Variants in ALPK2 observed in about 807,000 individuals in gnomAD.
ALPK2 encodes alpha-protein kinase 2.
ALPK2 carries 127 observed loss-of-function variants against 163.1 expected under a neutral mutation model. The ratio of observed to expected loss-of-function variants is 0.78; its 90% confidence interval spans 0.67 to 0.90. The LOEUF is 0.90. ALPK2 is among the 40% of genes least tolerant of loss of function. The probability of loss-of-function intolerance (pLI) is 0.00; values close to 1 mark genes in which losing one functional copy is unlikely to be tolerated. For synonymous variants in ALPK2, 953 were observed against 959.1 expected (o/e 0.99, Z 0.12); for missense variants, 2,360 against 2,589.6 (o/e 0.91, Z 1.92).
rs189307557 is a variant in ALPK2 at position 58,501,166 on chromosome 18, C to T, written c.6247+2765G>A. 3.0e-4 allele frequency among the ~76,000 whole-genome samples: 45 copies of T among 152,302 alleles called. 2 individuals carry two copies. The highest frequency in any genetic ancestry group is 2.4e-3 in the Admixed American group (37 of 15,308). The stretch of plus-strand genomic sequence containing the variant: ...ACCATTACTTAATGCCACACCACCA[C>T]GTTAAACCACACACGTCATTTACAG... On this transcript the variant is annotated intron_variant, in intron 11 of 12. Coordinates refer to ENST00000361673, the MANE Select transcript of ALPK2 (RefSeq NM_052947.4).
At chr18:58,583,016 G>C (rs989860663) in intron 3 of ALPK2, among the ~76,000 whole-genome samples, 1 of 152,220 alleles carries the variant, frequency 6.6e-6, no homozygotes, top group African/African-American at 2.4e-5. Flanking sequence ...CTGGACCTTA[G>C]AAGGTGTCAG....
chr18:58,501,608 A>G (rs1209136693), intron 11 of ALPK2, among the ~76,000 whole-genome samples: 1 of 152,222 alleles, frequency 6.6e-6, no homozygotes, highest in Non-Finnish European at 1.5e-5. Context: ...CAAATTTGCT[A>G]AATTGTTATT....
Position 58,517,001 on chromosome 18 carries a change from G to A in ALPK2, c.5847C>T (p.Gly1949=), listed in dbSNP as rs1363066922. 6.2e-7 allele frequency: 1 copy of A among 1,614,126 alleles called. No homozygotes were observed. The highest frequency in any genetic ancestry group is 1.3e-5 in the African/African-American group (1 of 74,946). Residue 1949 remains glycine (G), a synonymous_variant, in exon 9 of 13, where the codon GGC becomes GGT. Coordinates refer to ENST00000361673, the MANE Select transcript of ALPK2 (RefSeq NM_052947.4). The stretch of plus-strand genomic sequence containing the variant: ...TGTGCACCTTAAGCACACAGGCATG[G>A]CCAGGTTTGAAGACAGGCATGAGGC... ...MHGLMPVFKP[G]HACVLKVHNA...
chr18:58,496,250 C>T (rs1056477134), intron 12 of ALPK2, among the ~76,000 whole-genome samples: 5 of 152,182 alleles, frequency 3.3e-5, no homozygotes, highest in African/African-American at 7.2e-5. Context: ...AACTGGGTCT[C>T]GCTCTAAATC....
At chr18:58,523,700 G>T in intron 8 of ALPK2, 106 bp downstream of exon 8, 3 of 1,418,440 alleles carry the variant, frequency 2.1e-6, no homozygotes, top group Non-Finnish European at 3.0e-6. Flanking sequence ...CTCCTTCTCG[G>T]TTGGAAGAGT....
chr18:58,554,867 G>T, intron 4 of ALPK2, among the ~76,000 whole-genome samples: 1 of 152,156 alleles, frequency 6.6e-6, no homozygotes, highest in East Asian at 1.9e-4. Flanking sequence ...GAATCATGGG[G>T]GCGGGTTTTC....
chr18:58,557,577 G>T (rs1280964713), intron 4 of ALPK2, among the ~76,000 whole-genome samples: 2 of 151,990 alleles, frequency 1.3e-5, no homozygotes, highest in African/African-American at 4.8e-5. Context: ...ACCTAAAAGT[G>T]CTCTAAAAAA....
At chr18:58,559,882 T>C (rs1161300146) in intron 4 of ALPK2, among the ~76,000 whole-genome samples, 1 of 151,988 alleles carries the variant, frequency 6.6e-6, no homozygotes, top group East Asian at 1.9e-4. Flanking sequence ...TTACCTACTC[T>C]GTCTGTTTCT....
intron 11 of ALPK2, among the ~76,000 whole-genome samples, chr18:58,498,369 C>T (rs1216880461): frequency 6.6e-6 from 1 of 152,170 alleles, no homozygotes; most frequent in Non-Finnish European, 1.5e-5. Context: ...CCACCCACCC[C>T]ATGACAAGGA....
At chr18:58,610,200 G>C (rs2052120765) in intron 2 of ALPK2, among the ~76,000 whole-genome samples, 1 of 151,008 alleles carries the variant, frequency 6.6e-6, no homozygotes, top group African/African-American at 2.4e-5. Context: ...CTTGAACCTG[G>C]GAGGTGGAGG....
intron 10 of ALPK2, among the ~76,000 whole-genome samples, chr18:58,512,826 GGT>G (rs200994285): frequency 0.13 from 18,127 of 140,010 alleles, 1,161 homozygotes; most frequent in East Asian, 0.22. Flanking sequence ...GCATGTATGA[GGT>G]GTGTGTGTGT....
rs528459906 is a variant in ALPK2, at chr18:58,532,747, T to C, written c.5353+2087A>G. 2.6e-5 allele frequency among the ~76,000 whole-genome samples: 4 copies of C among 152,332 alleles called. No homozygotes were observed. The South Asian group carries it at 8.3e-4, about 32-fold the overall frequency. Reference sequence around the variant, plus strand: ...TGTGTTAGGCCATGTGCCATTCAAATTGCTTTGCATTTTTATACCTGAGAG... The same window carrying C: ...TGTGTTAGGCCATGTGCCATTCAAACTGCTTTGCATTTTTATACCTGAGAG... On this transcript the variant is annotated intron_variant, in intron 5 of 12. Coordinates refer to ENST00000361673, the MANE Select transcript of ALPK2 (RefSeq NM_052947.4).
chr18:58,508,431 A>G (rs1378864786), intron 10 of ALPK2, among the ~76,000 whole-genome samples: 2 of 152,172 alleles, frequency 1.3e-5, no homozygotes, highest in Non-Finnish European at 2.9e-5. Flanking sequence ...ACAGGATGAG[A>G]TAGGAGGTTA....
rs576559043 is a variant in ALPK2, at chr18:58,564,044, G to A, written c.1962+14770C>T. On this transcript the variant is annotated intron_variant, in intron 4 of 12. Coordinates refer to ENST00000361673, the MANE Select transcript of ALPK2 (RefSeq NM_052947.4). ...CAATCTCTGAAAATTGAGAAAGGAAGGAAAGGAGGAAGGCAGAAAGGAATG... is the reference window on the plus strand; with the variant it reads ...CAATCTCTGAAAATTGAGAAAGGAAAGAAAGGAGGAAGGCAGAAAGGAATG... 1.7e-4 allele frequency among the ~76,000 whole-genome samples: 26 copies of A among 151,866 alleles called. 1 individual carries two copies. The South Asian group carries it at 5.4e-3, about 32-fold the overall frequency.
intron 10 of ALPK2, among the ~76,000 whole-genome samples, chr18:58,504,763 C>T (rs901196803): frequency 2.6e-5 from 4 of 152,112 alleles, no homozygotes; most frequent in Non-Finnish European, 4.4e-5. Flanking sequence ...GACGGGCATG[C>T]GGTGGAGTGG....
rs1022538767 is a variant in ALPK2, at chr18:58,527,450, C to T, written c.5501+1641G>A. 9.2e-5 allele frequency among the ~76,000 whole-genome samples: 14 copies of T among 152,158 alleles called. 1 individual carries two copies. Among genetic ancestry groups the T allele is most frequent in the Non-Finnish European group, 1.5e-4 (10 of 68,022 alleles). ...CACTAGGAATCAAAGGCCTTAGCCA[C>T]GCGTCATCAGTAAGTAGAATGCTTA... On this transcript the variant is annotated intron_variant, in intron 6 of 12. Coordinates refer to ENST00000361673, the MANE Select transcript of ALPK2 (RefSeq NM_052947.4).
At chr18:58,552,202 C>T (rs2051763535) in intron 4 of ALPK2, among the ~76,000 whole-genome samples, 1 of 152,174 alleles carries the variant, frequency 6.6e-6, no homozygotes, top group South Asian at 2.1e-4. Context: ...TGCAATTTTA[C>T]CTCCTGCCCT....
rs988838124 is a variant in ALPK2, at chr18:58,580,037, G to C, written c.739C>G (p.Leu247Val). 6.2e-7 allele frequency: 1 copy of C among 1,614,096 alleles called. No individual in the cohort carries two copies. ...SMASKFTDGD[L>V]NNDGPHDEGL... ...TCATCATGAGGACCATCATTGTTCAGGTCACCATCCGTGAACTTTGATGCC... is the reference window on the plus strand; with the variant it reads ...TCATCATGAGGACCATCATTGTTCACGTCACCATCCGTGAACTTTGATGCC... The change falls in exon 4 of 13, where the codon CTG (leucine) becomes GTG (valine). Residue 247 changes from leucine to valine, a missense_variant. Leu to Val is a conservative substitution (Grantham distance 32, BLOSUM62 1). Coordinates refer to ENST00000361673, the MANE Select transcript of ALPK2 (RefSeq NM_052947.4).
At chr18:58,596,463 G>C in intron 3 of ALPK2, among the ~76,000 whole-genome samples, 1 of 152,198 alleles carries the variant, frequency 6.6e-6, no homozygotes, top group Non-Finnish European at 1.5e-5. Context: ...AGCTCCAACA[G>C]GAGAAGAATC....
Sources: allele counts gnomAD v4.1 joint callset (sites outside exome capture counted in the v4.1 genomes callset), GRCh38; gene constraint gnomAD v4.1.1; transcripts MANE v1.5; gene names NCBI Gene and HGNC (gene_info 2026-07-23, HGNC 2026-07-21).